ABCB1: variants seen among roughly 807,000 people sequenced by gnomAD.
ABCB1 encodes the protein ATP binding cassette subfamily B member 1, also known as ATP-dependent translocase ABCB1.
A neutral mutation model predicts 142.0 loss-of-function variants in ABCB1; 69 were observed. The observed-to-expected ratio is 0.49, with a 90% CI of 0.40 to 0.59. The LOEUF is 0.59. ABCB1 is among the 20% of genes least tolerant of loss of function. The pLI, the probability that ABCB1 is intolerant of heterozygous loss-of-function variation, is 0.00. For synonymous variants in ABCB1, 532 were observed against 539.2 expected (o/e 0.99, Z 0.18); for missense variants, 1,326 against 1,554.7 (o/e 0.85, Z 2.47).
At chr7:87,629,102 A>G in intron 1 of ABCB1, 1 of 651,178 alleles carries the variant, frequency 1.5e-6, no homozygotes, top group Non-Finnish European at 2.2e-6. Flanking sequence ...AGCTCCTTGG[A>G]CAGGGGCCCG....
chr7:87,681,733 C>G (rs1030903517), intron 1 of ABCB1, among the ~76,000 whole-genome samples: 1 of 137,990 alleles, frequency 7.2e-6, no homozygotes, highest in African/African-American at 2.9e-5. Flanking sequence ...CAACAATGGG[C>G]TGGGCACAGT....
chr7:87,595,720 T>A (rs368936186), intron 3 of ABCB1, 46 bp downstream of exon 3: 1 of 1,449,482 alleles, frequency 6.9e-7, no homozygotes, highest in Non-Finnish European at 9.7e-7. Flanking sequence ...TAAGGAGATG[T>A]CAAATTTCCG....
At chr7:87,589,053 T>C (rs1258491255) in intron 3 of ABCB1, among the ~76,000 whole-genome samples, 1 of 152,212 alleles carries the variant, frequency 6.6e-6, no homozygotes, top group African/African-American at 2.4e-5. Flanking sequence ...TCATATTTCT[T>C]AATGACATGA....
At chr7:87,518,639 A>C (rs1815353655) in intron 23 of ABCB1, among the ~76,000 whole-genome samples, 1 of 152,232 alleles carries the variant, frequency 6.6e-6, no homozygotes, top group Non-Finnish European at 1.5e-5. Flanking sequence ...ATAAAATTAT[A>C]TCGCTACTAA....
At chr7:87,540,831 T>A (rs1358138955) in intron 18 of ABCB1, among the ~76,000 whole-genome samples, 6 of 152,218 alleles carry the variant, frequency 3.9e-5, no homozygotes, top group Non-Finnish European at 1.5e-5. Flanking sequence ...AATCTGACTC[T>A]TTACAAATGT....
chr7:87,559,537 AT>A, intron 8 of ABCB1, among the ~76,000 whole-genome samples: 1 of 152,114 alleles, frequency 6.6e-6, no homozygotes, highest in East Asian at 1.9e-4. Flanking sequence ...TTTATTTTCT[AT>A]TAAATTAATT....
intron 1 of ABCB1, among the ~76,000 whole-genome samples, chr7:87,615,818 T>C (rs576233072): frequency 6.6e-6 from 1 of 152,172 alleles, no homozygotes; most frequent in Non-Finnish European, 1.5e-5. Flanking sequence ...GGGTTTAAGT[T>C]TGAAAGGTGC....
chr7:87,619,766 A>G (rs12671453), intron 1 of ABCB1, among the ~76,000 whole-genome samples: 25,170 of 123,614 alleles, frequency 0.2, 2,416 homozygotes, highest in Admixed American at 0.29. Context: ...GTGTGTGTGT[A>G]TATATATATA....
intron 23 of ABCB1, chr7:87,519,024 C>T: frequency 2.2e-6 from 1 of 445,968 alleles, no homozygotes; most frequent in Non-Finnish European, 4.1e-6. Flanking sequence ...TTGCTCAGGG[C>T]TAGGCTTCTT....
intron 4 of ABCB1, among the ~76,000 whole-genome samples, chr7:87,580,192 C>A (rs1370721356): frequency 6.6e-6 from 1 of 152,110 alleles, no homozygotes; most frequent in African/African-American, 2.4e-5. Flanking sequence ...CATTTTCTTT[C>A]TGATTAAAGA....
Position 87,504,401 on chromosome 7 carries a change from C to T in ABCB1, c.3685G>A (p.Val1229Met). 1.2e-6 allele frequency: 2 copies of T among 1,614,122 alleles called. No homozygotes were observed. The highest frequency in any genetic ancestry group is 1.3e-5 in the African/African-American group (1 of 75,052). ...ATGGTGGACAGGCGGTGAGCAATCA[C>T]AATGCAGGTGCGGCCTTCTCTGGCT... The part of the protein sequence containing the change: ...DKAREGRTCI[V>M]IAHRLSTIQN... Residue 1229 changes from valine to methionine, a missense_variant, in exon 28 of 28, where the codon GTG (valine) becomes ATG (methionine). Transcript: ENST00000622132.
intron 2 of ABCB1, among the ~76,000 whole-genome samples, chr7:87,597,945 A>G (rs1310932971): frequency 8.5e-5 from 13 of 152,102 alleles, no homozygotes. Flanking sequence ...TTTAGTCTCT[A>G]TTAATCTAGA....
At position 87,680,745 on chromosome 7, in the gene ABCB1, A is replaced by C. The variant is rs921450911; in HGVS notation, c.-331+32416T>G. On this transcript the variant is annotated intron_variant, in intron 1 of 28. Transcript: ENST00000265724. ...GGGAGGCGGAGGGTGCAGTGAGCCAAGATCGCGCCATTGCACTCCAGCTTG... is the reference window on the plus strand; with the variant it reads ...GGGAGGCGGAGGGTGCAGTGAGCCACGATCGCGCCATTGCACTCCAGCTTG... 1.1e-3 allele frequency among the ~76,000 whole-genome samples: 162 copies of C among 150,424 alleles called. 12 individuals carry two copies. Among genetic ancestry groups the C allele is most frequent in the African/African-American group, 3.4e-3 (139 of 40,512 alleles).
intron 1 of ABCB1, among the ~76,000 whole-genome samples, chr7:87,673,061 G>A (rs1825991996): frequency 6.6e-6 from 1 of 152,194 alleles, no homozygotes; most frequent in African/African-American, 2.4e-5. Flanking sequence ...CTTCTGGTTT[G>A]TAGGCTTTCT....
chr7:87,675,617 C>A (rs1585069174), intron 1 of ABCB1, among the ~76,000 whole-genome samples: 1 of 101,206 alleles, frequency 9.9e-6, no homozygotes, highest in Non-Finnish European at 1.8e-5. Context: ...ATAATCTCTT[C>A]AGTAAATAGT....
At chr7:87,529,967 T>A (rs576334922) in intron 21 of ABCB1, among the ~76,000 whole-genome samples, 2 of 152,298 alleles carry the variant, frequency 1.3e-5, no homozygotes, top group African/African-American at 4.8e-5. Flanking sequence ...ATGAGGTTTG[T>A]CCCCTACAGA....
chr7:87,652,621 GATATATAT>G (rs373344881), intron 1 of ABCB1, among the ~76,000 whole-genome samples: 6 of 125,412 alleles, frequency 4.8e-5, no homozygotes, highest in Non-Finnish European at 1.6e-5. Flanking sequence ...TGTGGTCACT[GATATATAT>G]ATATATATAT....
chr7:87,550,287 C>T lies in ABCB1; in HGVS notation c.1234G>A (p.Gly412Ser), dbSNP rs1476587846. The change falls in exon 12 of 28, where the codon GGT becomes AGT. Residue 412 changes from glycine (G) to serine (S), a missense_variant. Gly to Ser is a moderately conservative substitution (Grantham distance 56). Coordinates refer to ENST00000622132, the MANE Select transcript of ABCB1 (RefSeq NM_001348946.2). ...PSRKEVKILKGLNLKVQSGQT... is the reference protein window; with the variant it reads ...PSRKEVKILKSLNLKVQSGQT... Reference sequence around the variant, plus strand: ...CCACTCTGCACCTTCAGGTTCAGACCCTTCAAGATCTACCAGGACGAGTGA... The same window carrying T: ...CCACTCTGCACCTTCAGGTTCAGACTCTTCAAGATCTACCAGGACGAGTGA... The T allele has an allele frequency of 3.1e-6, 5 of 1,614,006 alleles. No homozygotes were observed. The highest frequency in any genetic ancestry group is 4.2e-6 in the Non-Finnish European group (5 of 1,180,030).
chr7:87,631,178 G>A (rs1450662124), intron 1 of ABCB1, among the ~76,000 whole-genome samples: 1 of 152,160 alleles, frequency 6.6e-6, no homozygotes, highest in African/African-American at 2.4e-5. Flanking sequence ...TTATCCATGT[G>A]TAGTAATGGG....
Sources: gnomAD v4.1 joint callset for allele counts (sites outside exome capture counted in the v4.1 genomes callset) on GRCh38, gnomAD v4.1.1 for gene constraint, MANE v1.5 for transcripts, NCBI Gene and HGNC (gene_info 2026-07-23, HGNC 2026-07-21) for gene names.